Variants in TBC1D1 observed in about 807,000 individuals in gnomAD.
The protein encoded by TBC1D1 is TBC1 domain family member 1.
Under a neutral mutation model 125.6 loss-of-function variants are expected in TBC1D1, and 89 were observed. The ratio of observed to expected loss-of-function variants is 0.71; its 90% confidence interval spans 0.60 to 0.85. The LOEUF (loss-of-function observed/expected upper bound fraction) is 0.85. Among genes scored for constraint, TBC1D1 ranks in the 40% least tolerant of loss-of-function variants. The pLI, the probability that TBC1D1 is intolerant of heterozygous loss-of-function variation, is 0.00. For synonymous variants in TBC1D1, 565 were observed against 564.1 expected (o/e 1.00, Z -0.02); for missense variants, 1,377 against 1,469.2 (o/e 0.94, Z 1.03).
chr4:38,024,643 G>GA (rs1403214294), intron 6 of TBC1D1, among the ~76,000 whole-genome samples: 7 of 152,292 alleles, frequency 4.6e-5, no homozygotes, highest in African/African-American at 1.7e-4. Context: ...TAAAAGTGTA[G>GA]AAGAAGTGCA....
intron 2 of TBC1D1, among the ~76,000 whole-genome samples, chr4:38,012,432 G>T (rs1436272560): frequency 6.6e-6 from 1 of 152,100 alleles, no homozygotes; most frequent in Admixed American, 6.6e-5. Context: ...ACACCACCTT[G>T]GCTGGCTCAT....
At chr4:38,079,408 G>A (rs1756150764) in intron 12 of TBC1D1, among the ~76,000 whole-genome samples, 4 of 152,294 alleles carry the variant, frequency 2.6e-5, no homozygotes, top group Non-Finnish European at 4.4e-5. Context: ...AGATGAAAGT[G>A]CGACTTGACT....
intron 15 of TBC1D1, chr4:38,110,450 G>A (rs1282649523): frequency 1.0e-6 from 1 of 985,302 alleles, no homozygotes; most frequent in African/African-American, 1.7e-5. Flanking sequence ...GGAAAAGATT[G>A]ATCCTGGAAG....
At chr4:37,960,738 A>T (rs373204780) in intron 2 of TBC1D1, 4 of 1,614,058 alleles carry the variant, frequency 2.5e-6, no homozygotes, top group Non-Finnish European at 3.4e-6. Flanking sequence ...TAAAACAAAA[A>T]GTTCTGTTCC....
chr4:38,105,890 T>C (rs1004053677), intron 15 of TBC1D1, among the ~76,000 whole-genome samples: 78 of 152,346 alleles, frequency 5.1e-4, no homozygotes, highest in African/African-American at 1.8e-3. Context: ...AATAGTGCTG[T>C]GATGAACGTG....
At chr4:38,084,564 T>C (rs1435299963) in intron 12 of TBC1D1, among the ~76,000 whole-genome samples, 1 of 152,250 alleles carries the variant, frequency 6.6e-6, no homozygotes, top group Non-Finnish European at 1.5e-5. Context: ...CTTTGTTTTT[T>C]TCTAAGAAAT....
chr4:37,974,144 GC>G (rs1357324670), intron 2 of TBC1D1, among the ~76,000 whole-genome samples: 1 of 152,216 alleles, frequency 6.6e-6, no homozygotes, highest in Non-Finnish European at 1.5e-5. Context: ...CCTTCATTAA[GC>G]AGGGAATATC....
At chr4:38,103,747 T>G (rs1760767224) in intron 15 of TBC1D1, among the ~76,000 whole-genome samples, 1 of 152,126 alleles carries the variant, frequency 6.6e-6, no homozygotes, top group South Asian at 2.1e-4. Context: ...TGGAAAGTAT[T>G]TGGGAAGAAA....
intron 2 of TBC1D1, among the ~76,000 whole-genome samples, chr4:37,991,812 T>C (rs1736632585): frequency 6.6e-6 from 1 of 152,152 alleles, no homozygotes; most frequent in African/African-American, 2.4e-5. Flanking sequence ...TGCCAGCCAT[T>C]CCAGCCTCCT....
intron 9 of TBC1D1, 101 bp downstream of exon 9, chr4:38,044,591 A>G: frequency 8.0e-7 from 1 of 1,251,218 alleles, no homozygotes; most frequent in East Asian, 2.5e-5. Context: ...TCATAAAGGT[A>G]AAAGTATAAA....
At chr4:38,067,804 G>A (rs1283345228) in intron 12 of TBC1D1, among the ~76,000 whole-genome samples, 3 of 152,174 alleles carry the variant, frequency 2.0e-5, no homozygotes, top group Non-Finnish European at 2.9e-5. Flanking sequence ...CTTGTAGTAC[G>A]AAAAGTCACC....
chr4:38,059,331 A>G (rs1752337556), intron 12 of TBC1D1, among the ~76,000 whole-genome samples: 1 of 152,236 alleles, frequency 6.6e-6, no homozygotes, highest in Non-Finnish European at 1.5e-5. Flanking sequence ...CCTGCTTCTC[A>G]AATACTAAGT....
intron 12 of TBC1D1, among the ~76,000 whole-genome samples, chr4:38,070,463 C>A (rs185537539): frequency 1.3e-5 from 2 of 152,350 alleles, no homozygotes; most frequent in East Asian, 3.9e-4. Context: ...CACGCTCCTG[C>A]ATCGCCCACA....
rs1350660921 is a variant in TBC1D1, at chr4:38,096,092, T to C, written c.2398+2T>C. 6.2e-7 allele frequency: 1 copy of C among 1,611,870 alleles called. No homozygotes were observed. Among genetic ancestry groups the C allele is most frequent in the African/African-American group, 1.3e-5 (1 of 74,822 alleles). On this transcript the variant is annotated splice_donor_variant, in intron 14 of 19. Transcript: ENST00000261439. LOFTEE classifies it high-confidence loss of function. The stretch of plus-strand genomic sequence containing the variant: ...AAATGCACTCGGCTGTTGGGCAAGG[T>C]AAGCTTCATTGGGAAGCATCTAGTC...
intron 8 of TBC1D1, among the ~76,000 whole-genome samples, chr4:38,038,425 C>G (rs748448600): frequency 1.3e-5 from 2 of 152,140 alleles, no homozygotes; most frequent in Non-Finnish European, 2.9e-5. Flanking sequence ...ATATATTTAT[C>G]TATTAGTCCA....
At chr4:38,078,309 A>G (rs778954135) in intron 12 of TBC1D1, among the ~76,000 whole-genome samples, 9 of 152,196 alleles carry the variant, frequency 5.9e-5, no homozygotes, top group Non-Finnish European at 1.5e-5. Flanking sequence ...GGCTTTAAAC[A>G]TATTCCTTTT....
chr4:38,126,248 G>A (rs1764635086), intron 18 of TBC1D1, among the ~76,000 whole-genome samples: 1 of 152,102 alleles, frequency 6.6e-6, no homozygotes, highest in African/African-American at 2.4e-5. Context: ...TAATCTTATG[G>A]GACCACCATC....
At chr4:38,121,118 C>T (rs1259763018) in intron 17 of TBC1D1, among the ~76,000 whole-genome samples, 1 of 152,126 alleles carries the variant, frequency 6.6e-6, no homozygotes, top group Admixed American at 6.5e-5. Context: ...ATGAGTGTGT[C>T]CAGTCTGTCT....
Position 37,995,215 on chromosome 4 carries a change from G to C in TBC1D1, c.418-19294G>C, listed in dbSNP as rs1375147703. 6.6e-6 allele frequency among the ~76,000 whole-genome samples: 1 copy of C among 152,192 alleles called. No individual in the cohort carries two copies. Among genetic ancestry groups the C allele is most frequent in the Non-Finnish European group, 1.5e-5 (1 of 68,036 alleles). ...ATGAGATTTTCTTCCTCATATGCTA[G>C]GAGCCTGGACAGATAAAGGTGTAAA... On this transcript the variant is annotated intron_variant, in intron 2 of 19. Transcript: ENST00000261439. This position sits in a 1 kb window ranked among gnomAD's most constrained non-coding sequence, Gnocchi z 4.3.
Sources: allele counts gnomAD v4.1 joint callset (sites outside exome capture counted in the v4.1 genomes callset), GRCh38; gene constraint gnomAD v4.1.1; non-coding constraint Gnocchi (gnomAD v3.1); transcripts MANE v1.5; gene names NCBI Gene and HGNC (gene_info 2026-07-23, HGNC 2026-07-21).